ARHGAP25: variants seen among roughly 807,000 people sequenced by gnomAD.
ARHGAP25 encodes the protein rho GTPase-activating protein 25.
ARHGAP25 carries 34 observed loss-of-function variants against 71.0 expected under a neutral mutation model. The ratio of observed to expected loss-of-function variants is 0.48; its 90% CI spans 0.36 to 0.64. The LOEUF (loss-of-function observed/expected upper bound fraction) is 0.64. ARHGAP25 is among the 30% of genes least tolerant of loss of function. The pLI, the probability that ARHGAP25 is intolerant of heterozygous loss-of-function variation, is 0.00. For synonymous variants in ARHGAP25, 282 were observed against 296.5 expected, an observed-to-expected ratio of 0.95 and a Z score of 0.50; for missense variants, 706 against 805.1, an observed-to-expected ratio of 0.88 and a Z score of 1.49.
At position 68,816,619 on chromosome 2, in the gene ARHGAP25, G is replaced by C. The variant is rs544398347; in HGVS notation, c.881+257G>C. The C allele has an allele frequency of 3.9e-5, 17 of 433,412 alleles. No homozygotes were observed. The East Asian group carries it at 5.5e-4, about 14-fold the overall frequency. 26.8% of individuals were successfully genotyped at this position (433,412 alleles called of 1,614,324 possible). ...GCCCAGAGTCCTGGTACATGCAAGA[G>C]AACCCAGAATCCTTATAATGTTTCT... On this transcript the variant is annotated intron_variant, in intron 7 of 10. Transcript: ENST00000409202.
chr2:68,783,022 C>T (rs1227381582), intron 3 of ARHGAP25, among the ~76,000 whole-genome samples: 2 of 152,242 alleles, frequency 1.3e-5, no homozygotes, highest in Non-Finnish European at 2.9e-5. Flanking sequence ...CTGACCACAG[C>T]GGAGGAGGCC....
intron 1 of ARHGAP25, among the ~76,000 whole-genome samples, chr2:68,752,054 G>T (rs2280245): frequency 0.56 from 85,071 of 152,116 alleles, 24,919 homozygotes; most frequent in Non-Finnish European, 0.65. Flanking sequence ...TTGAATTTTA[G>T]ACCCCACGTA....
At chr2:68,785,687 A>G (rs1214083018) in intron 3 of ARHGAP25, among the ~76,000 whole-genome samples, 1 of 152,096 alleles carries the variant, frequency 6.6e-6, no homozygotes, top group East Asian at 1.9e-4. Context: ...TAGAATAAGG[A>G]CTCCCCACTC....
chr2:68,802,407 C>CAAAAA (rs10688959), intron 4 of ARHGAP25, among the ~76,000 whole-genome samples: 42 of 82,006 alleles, frequency 5.1e-4, no homozygotes, highest in Admixed American at 8.0e-4. Context: ...GACTCCATCT[C>CAAAAA]AAAAAAAAAA....
intron 5 of ARHGAP25, among the ~76,000 whole-genome samples, chr2:68,807,720 TG>T (rs1323773685): frequency 6.6e-6 from 1 of 152,174 alleles, no homozygotes; most frequent in African/African-American, 2.4e-5. Context: ...GGAACCCTGC[TG>T]GGCAGATTCA....
At chr2:68,774,448 G>A (rs1677690826) in intron 1 of ARHGAP25, among the ~76,000 whole-genome samples, 1 of 152,202 alleles carries the variant, frequency 6.6e-6, no homozygotes, top group Admixed American at 6.5e-5. Context: ...CAGGTTCAAG[G>A]GGCTCTGGCT....
At chr2:68,803,348 A>G (rs1033231654) in intron 4 of ARHGAP25, among the ~76,000 whole-genome samples, 1 of 152,252 alleles carries the variant, frequency 6.6e-6, no homozygotes, top group African/African-American at 2.4e-5. Flanking sequence ...TGGAATGAAC[A>G]TTAGGAGAGC....
intron 1 of ARHGAP25, among the ~76,000 whole-genome samples, chr2:68,759,106 G>A (rs951664198): frequency 7.9e-5 from 12 of 151,536 alleles, no homozygotes; most frequent in Admixed American, 7.9e-4. Flanking sequence ...AGAGAAAGCA[G>A]GAGTAAGAGG....
intron 9 of ARHGAP25, chr2:68,819,538 G>T (rs896650710): frequency 1.4e-6 from 1 of 692,464 alleles, no homozygotes; most frequent in African/African-American, 1.8e-5. Flanking sequence ...TGACAAGTGT[G>T]CCAATCACCC....
chr2:68,815,223 G>C (rs533467392), intron 6 of ARHGAP25, among the ~76,000 whole-genome samples: 98 of 152,314 alleles, frequency 6.4e-4, no homozygotes, highest in Non-Finnish European at 1.1e-3. Flanking sequence ...CATGGCAGAG[G>C]TGGCAGCTAG....
At position 68,726,122 on chromosome 2, in the gene ARHGAP25, T is replaced by C. The variant is rs76739708; in HGVS notation, c.-18+15424T>C. ...TTTCACTTATTTATTTTCTTGTCTCTTTCCTCATTAGAACAAGCTCCACAA... is the reference window on the plus strand; with the variant it reads ...TTTCACTTATTTATTTTCTTGTCTCCTTCCTCATTAGAACAAGCTCCACAA... On this transcript the variant is annotated intron_variant and NMD_transcript_variant, in intron 2 of 7. Coordinates refer to the ARHGAP25 transcript ENST00000463483. Among the ~76,000 whole-genome samples, 1,006 of 152,342 alleles carry C rather than the reference T, an allele frequency of 6.6e-3. 14 individuals are homozygous for C. Among genetic ancestry groups the C allele is most frequent in the African/African-American group, 0.023 (964 of 41,570 alleles).
chr2:68,800,687 C>T (rs1417782218), intron 4 of ARHGAP25, among the ~76,000 whole-genome samples: 3 of 152,010 alleles, frequency 2.0e-5, no homozygotes, highest in Non-Finnish European at 2.9e-5. Context: ...AATATGACCT[C>T]GGAAAAATTC....
Position 68,762,470 on chromosome 2 carries a change from C to T in ARHGAP25, c.62-12751C>T, listed in dbSNP as rs1573463079. ...GAAAAATAGCCCAAGTCAAATATTA[C>T]AACTCATTTTTCATCTTCAAAAGCT... On this transcript the variant is annotated intron_variant, in intron 1 of 10. Transcript: ENST00000409202. Among the ~76,000 whole-genome samples the T allele has an allele frequency of 2.6e-5, 4 of 152,240 alleles. No homozygotes were observed. In the South Asian group the frequency reaches 8.3e-4, roughly 32 times the overall value.
chr2:68,715,351 A>C (rs1439488124), intron 2 of ARHGAP25, among the ~76,000 whole-genome samples: 1 of 152,140 alleles, frequency 6.6e-6, no homozygotes, highest in Non-Finnish European at 1.5e-5. Flanking sequence ...TGCCTGCTCA[A>C]GTTTGAGAAG....
At chr2:68,785,900 C>T (rs979168899) in intron 3 of ARHGAP25, among the ~76,000 whole-genome samples, 6 of 152,212 alleles carry the variant, frequency 3.9e-5, no homozygotes, top group Non-Finnish European at 5.9e-5. Context: ...AGGTGCTGTT[C>T]GTGAGCTTTG....
chr2:68,714,718 T>C (rs1674570710), intron 2 of ARHGAP25, among the ~76,000 whole-genome samples: 1 of 152,212 alleles, frequency 6.6e-6, no homozygotes, highest in South Asian at 2.1e-4. Context: ...ACCTTATTTA[T>C]TTCTGCCTTA....
intron 5 of ARHGAP25, among the ~76,000 whole-genome samples, chr2:68,809,303 C>T (rs1558654325): frequency 6.6e-6 from 1 of 151,970 alleles, no homozygotes; most frequent in South Asian, 2.1e-4. Flanking sequence ...CATAGAATGC[C>T]GGATGCATAG....
At chr2:68,772,883 T>TTTGCTTTATATATATATATA (rs1478785765) in intron 1 of ARHGAP25, among the ~76,000 whole-genome samples, 3 of 152,248 alleles carry the variant, frequency 2.0e-5, no homozygotes, top group African/African-American at 7.2e-5. Flanking sequence ...AAATCCTTTG[T>TTTGCTTTATATATATATATA]AAGCAAGCTA....
At chr2:68,737,850 A>T (rs1010668828) in intron 1 of ARHGAP25, among the ~76,000 whole-genome samples, 3 of 152,106 alleles carry the variant, frequency 2.0e-5, no homozygotes, top group African/African-American at 7.2e-5. Context: ...CTATGCTTCC[A>T]GTTTCCCCAG....
Sources: allele counts gnomAD v4.1 joint callset (sites outside exome capture counted in the v4.1 genomes callset), GRCh38; gene constraint gnomAD v4.1.1; transcripts MANE v1.5; gene names NCBI Gene and HGNC (gene_info 2026-07-23, HGNC 2026-07-21).